NEGR1: variants seen among roughly 807,000 people sequenced by gnomAD.
The protein encoded by NEGR1 is IgLON family member 4.
NEGR1 carries 10 observed loss-of-function variants against 40.9 expected under a neutral mutation model. The observed-to-expected ratio is 0.24, with a 90% CI of 0.15 to 0.42. The LOEUF (loss-of-function observed/expected upper bound fraction) is 0.42, where lower values mean the gene tolerates loss of function less well. Ranked by LOEUF, NEGR1 falls within the 10% of genes least tolerant of loss-of-function variation. The pLI, the probability that NEGR1 is intolerant of heterozygous loss-of-function variation, is 1.00. For synonymous variants in NEGR1, 185 were observed against 166.8 expected (o/e 1.11, Z -0.84); for missense variants, 352 against 438.9 (o/e 0.80, Z 1.77).
intron 1 of NEGR1, among the ~76,000 whole-genome samples, chr1:72,001,291 G>A (rs188394133): frequency 6.6e-5 from 10 of 151,896 alleles, no homozygotes; most frequent in Non-Finnish European, 1.3e-4. Context: ...CACTTGGTGT[G>A]TCCATGTCCT....
intron 2 of NEGR1, among the ~76,000 whole-genome samples, chr1:71,905,035 A>T (rs1346303816): frequency 6.6e-6 from 1 of 152,094 alleles, no homozygotes; most frequent in Non-Finnish European, 1.5e-5. Context: ...TCCTCCAAAA[A>T]ATGTGAAAGA....
intron 1 of NEGR1, among the ~76,000 whole-genome samples, chr1:72,212,374 C>T (rs1208676694): frequency 1.3e-5 from 2 of 151,808 alleles, no homozygotes; most frequent in Admixed American, 6.6e-5. Flanking sequence ...ATTGGTTAAG[C>T]GTTATCCTGA....
At chr1:71,815,569 G>A (rs1658173169) in intron 2 of NEGR1, among the ~76,000 whole-genome samples, 1 of 151,986 alleles carries the variant, frequency 6.6e-6, no homozygotes, top group Non-Finnish European at 1.5e-5. Flanking sequence ...CTAAAAACTT[G>A]TTTTATGAAC....
At chr1:71,460,997 A>T (rs1380020794) in intron 6 of NEGR1, among the ~76,000 whole-genome samples, 1 of 151,804 alleles carries the variant, frequency 6.6e-6, no homozygotes, top group Non-Finnish European at 1.5e-5. Flanking sequence ...CTGGTCTCTG[A>T]AAATAAAATA....
intron 6 of NEGR1, among the ~76,000 whole-genome samples, chr1:71,552,406 T>A (rs896203341): frequency 3.3e-5 from 5 of 149,630 alleles, no homozygotes; most frequent in African/African-American, 4.9e-5. Context: ...GCCCACAAAT[T>A]CATACTTCCT....
chr1:71,634,591 C>T (rs1382004037), intron 4 of NEGR1, among the ~76,000 whole-genome samples: 2 of 152,058 alleles, frequency 1.3e-5, no homozygotes, highest in Non-Finnish European at 2.9e-5. Context: ...GTTCAGCTGC[C>T]ACAAATTCTG....
chr1:72,010,487 G>A (rs1006129189), intron 1 of NEGR1, among the ~76,000 whole-genome samples: 11 of 152,048 alleles, frequency 7.2e-5, no homozygotes, highest in Non-Finnish European at 1.5e-4. Flanking sequence ...TAAAGAAAAT[G>A]TGACAAAAAT....
At position 72,213,941 on chromosome 1, in the gene NEGR1, A is replaced by C. The variant is rs1653702330; in HGVS notation, c.176+68378T>G. ...AGAAAATTTCAGGCCAATATCCCTG[A>C]TGAACATCGATGAGAAAATCCTCAA... On this transcript the variant is annotated intron_variant, in intron 1 of 6. Coordinates refer to ENST00000357731, the MANE Select transcript of NEGR1 (RefSeq NM_173808.3). Among the ~76,000 whole-genome samples the C allele has an allele frequency of 3.3e-5, 5 of 152,120 alleles. No individual in the cohort carries two copies. In the South Asian group the frequency reaches 1.0e-3, roughly 31 times the overall value.
intron 4 of NEGR1, among the ~76,000 whole-genome samples, chr1:71,679,710 G>A (rs1570193278): frequency 6.6e-6 from 1 of 151,972 alleles, no homozygotes. Flanking sequence ...AATGGTAAGA[G>A]CCTCTATTGA....
intron 2 of NEGR1, among the ~76,000 whole-genome samples, chr1:71,846,101 C>T (rs1659399405): frequency 6.6e-6 from 1 of 151,878 alleles, no homozygotes; most frequent in African/African-American, 2.4e-5. Context: ...GACCCCAGGG[C>T]CTCTGTTATT....
At chr1:71,829,723 T>A (rs902130608) in intron 2 of NEGR1, among the ~76,000 whole-genome samples, 1 of 151,654 alleles carries the variant, frequency 6.6e-6, no homozygotes, top group African/African-American at 2.4e-5. Context: ...AACAACACAA[T>A]CAAAAAACGC....
At chr1:71,630,654 G>C (rs1037373980) in intron 4 of NEGR1, among the ~76,000 whole-genome samples, 1 of 151,826 alleles carries the variant, frequency 6.6e-6, no homozygotes, top group African/African-American at 2.4e-5. Context: ...GTGTGTGTTT[G>C]TGTGTCTGTG....
chr1:71,416,434 A>AT (rs1311991920), intron 6 of NEGR1, among the ~76,000 whole-genome samples: 1 of 151,940 alleles, frequency 6.6e-6, no homozygotes, highest in African/African-American at 2.4e-5. Context: ...GATCATTTCC[A>AT]TTTTTTTGAA....
intron 5 of NEGR1, among the ~76,000 whole-genome samples, chr1:71,605,700 A>G (rs970266821): frequency 6.6e-6 from 1 of 152,192 alleles, no homozygotes; most frequent in Non-Finnish European, 1.5e-5. Context: ...AGTATTGAGG[A>G]AAAAAGTTTA....
intron 2 of NEGR1, among the ~76,000 whole-genome samples, chr1:71,813,470 A>C (rs972173648): frequency 6.6e-6 from 1 of 152,122 alleles, no homozygotes; most frequent in African/African-American, 2.4e-5. Flanking sequence ...TTCTGTGAAG[A>C]ATGTCAATGG....
At chr1:71,730,013 G>T (rs781361779) in intron 3 of NEGR1, among the ~76,000 whole-genome samples, 3 of 151,926 alleles carry the variant, frequency 2.0e-5, no homozygotes, top group Non-Finnish European at 4.4e-5. Flanking sequence ...ATTTCAAAGT[G>T]GAAAAATGAC....
chr1:72,238,429 T>C (rs552819255), intron 1 of NEGR1, among the ~76,000 whole-genome samples: 1 of 152,060 alleles, frequency 6.6e-6, no homozygotes, highest in Non-Finnish European at 1.5e-5. Context: ...AAATATTTAC[T>C]TATTACCTTC....
intron 1 of NEGR1, among the ~76,000 whole-genome samples, chr1:72,006,712 G>T (rs1646610125): frequency 6.6e-6 from 1 of 151,838 alleles, no homozygotes. Context: ...TAAATAATGT[G>T]AAGGTAAATC....
At chr1:72,068,922 A>T (rs532091664) in intron 1 of NEGR1, among the ~76,000 whole-genome samples, 1 of 152,166 alleles carries the variant, frequency 6.6e-6, no homozygotes, top group Non-Finnish European at 1.5e-5. Flanking sequence ...TAATAGGAAG[A>T]AAAAATTAAG....
Sources: gnomAD v4.1 joint callset for allele counts (sites outside exome capture counted in the v4.1 genomes callset) on GRCh38, gnomAD v4.1.1 for gene constraint, MANE v1.5 for transcripts, NCBI Gene and HGNC (gene_info 2026-07-23, HGNC 2026-07-21) for gene names.